Variants in ZNF827 observed in about 807,000 individuals in gnomAD.
The protein encoded by ZNF827 is zinc finger protein 827.
A neutral mutation model predicts 102.4 loss-of-function variants in ZNF827; 13 were observed. The observed-to-expected ratio is 0.13, with a 90% CI of 0.08 to 0.20. ZNF827 has a LOEUF of 0.20. ZNF827 is among the 10% of genes least tolerant of loss of function. The probability of loss-of-function intolerance (pLI) is 1.00; values close to 1 mark genes in which losing one functional copy is unlikely to be tolerated. For missense variants in ZNF827, 1,103 were observed against 1,344.4 expected (o/e 0.82, Z 2.81); for synonymous variants, 523 against 536.2 (o/e 0.98, Z 0.34).
intron 1 of ZNF827, among the ~76,000 whole-genome samples, chr4:145,921,853 C>T (rs1753090619): frequency 2.0e-5 from 3 of 152,158 alleles, no homozygotes; most frequent in Non-Finnish European, 4.4e-5. Context: ...CACTGGAGTT[C>T]TCCTCCAACA....
chr4:145,917,413 G>A (rs1752736502), intron 1 of ZNF827, among the ~76,000 whole-genome samples: 1 of 152,106 alleles, frequency 6.6e-6, no homozygotes, highest in African/African-American at 2.4e-5. Context: ...ATCACTTGGA[G>A]ACAGAGAGAG....
intron 4 of ZNF827, among the ~76,000 whole-genome samples, chr4:145,879,302 A>G (rs529150257): frequency 2.6e-5 from 4 of 152,340 alleles, no homozygotes; most frequent in South Asian, 4.1e-4. Context: ...ATGAGAAATT[A>G]CATGATGTGG....
At chr4:145,792,933 C>T (rs1474317380) in intron 8 of ZNF827, among the ~76,000 whole-genome samples, 1 of 152,024 alleles carries the variant, frequency 6.6e-6, no homozygotes, top group Non-Finnish European at 1.5e-5. Flanking sequence ...CGTGGAAATG[C>T]AATACATTCT....
intron 8 of ZNF827, among the ~76,000 whole-genome samples, chr4:145,791,992 G>A (rs1486355229): frequency 1.3e-5 from 2 of 152,156 alleles, no homozygotes; most frequent in Non-Finnish European, 2.9e-5. Flanking sequence ...GTGTCCATGG[G>A]ATGTGTCATT....
intron 7 of ZNF827, among the ~76,000 whole-genome samples, chr4:145,824,630 C>T (rs1050888705): frequency 2.0e-5 from 3 of 152,114 alleles, no homozygotes; most frequent in African/African-American, 7.2e-5. Flanking sequence ...CCAGGCTCTA[C>T]CTTAATCCCC....
chr4:145,894,822 C>T (rs1257298028), intron 2 of ZNF827, among the ~76,000 whole-genome samples: 1 of 152,106 alleles, frequency 6.6e-6, no homozygotes, highest in East Asian at 1.9e-4. Context: ...TTGCCTCTGC[C>T]GATCTGGAGT....
chr4:145,872,654 A>T (rs1748802721), intron 4 of ZNF827, among the ~76,000 whole-genome samples: 1 of 152,224 alleles, frequency 6.6e-6, no homozygotes. Context: ...AAGCAGGCAG[A>T]TCACTTGAGG....
Position 145,902,464 on chromosome 4 carries a change from CA to C in ZNF827, c.794del (p.Leu265Ter), listed in dbSNP as rs765254497. ...ALSKKVSERS[L>X]TPGQEHPPPA... ...GTGGAGGGTGCTCCTGACCAGGAGT[CA>C]AACTTCTTTCACTGACCTTCTTGGA... is the stretch of plus-strand genomic sequence containing the variant. On this transcript the variant is annotated frameshift_variant, in exon 2 of 15. Coordinates refer to ENST00000508784, the MANE Select transcript of ZNF827 (RefSeq NM_001306215.2). LOFTEE classifies it high-confidence loss of function. The surrounding 1 kb of genome is among the most constrained non-coding windows in gnomAD (Gnocchi z 4.3). 6.2e-7 allele frequency: 1 copy of C among 1,614,156 alleles called. No individual in the cohort carries two copies. Among genetic ancestry groups the C allele is most frequent in the Non-Finnish European group, 8.5e-7 (1 of 1,180,040 alleles).
chr4:145,777,011 C>T (rs115851715), intron 9 of ZNF827, among the ~76,000 whole-genome samples: 350 of 152,326 alleles, frequency 2.3e-3, no homozygotes, highest in Middle Eastern at 6.8e-3. Context: ...GAAAGAACAA[C>T]TCCAGTGTTC....
intron 8 of ZNF827, among the ~76,000 whole-genome samples, chr4:145,804,638 A>G (rs1741228207): frequency 6.6e-6 from 1 of 152,194 alleles, no homozygotes; most frequent in Admixed American, 6.5e-5. Flanking sequence ...ATTTAGTTGA[A>G]AACTCATCTT....
intron 5 of ZNF827, among the ~76,000 whole-genome samples, chr4:145,861,850 G>T (rs1747762819): frequency 6.6e-6 from 1 of 152,184 alleles, no homozygotes; most frequent in Non-Finnish European, 1.5e-5. Context: ...GGGAACACAA[G>T]CCAATACAAA....
At chr4:145,876,376 AT>A (rs1749153818) in intron 4 of ZNF827, 1 of 152,214 alleles carries the variant, frequency 6.6e-6, no homozygotes, top group Non-Finnish European at 1.5e-5. Context: ...TTCTCTAGAC[AT>A]TGCCAGCTAT....
chr4:145,932,095 T>C (rs781762440), intron 1 of ZNF827, among the ~76,000 whole-genome samples: 8 of 152,204 alleles, frequency 5.3e-5, no homozygotes, highest in Non-Finnish European at 1.0e-4. Flanking sequence ...GGTACCATCA[T>C]TGAAGCAGAG....
intron 11 of ZNF827, among the ~76,000 whole-genome samples, chr4:145,768,916 T>TATATATATATATATATAGATAAAA (rs34051922): frequency 2.9e-5 from 1 of 34,416 alleles, no homozygotes; most frequent in Non-Finnish European, 5.2e-5. Context: ...TATATATATA[T>TATATATATATATATATAGATAAAA]TAGGTATACA....
intron 8 of ZNF827, among the ~76,000 whole-genome samples, chr4:145,796,369 T>TG (rs1740379177): frequency 6.6e-6 from 1 of 152,160 alleles, no homozygotes; most frequent in Non-Finnish European, 1.5e-5. Context: ...GGTGAGAGTT[T>TG]GGGGTAGAGA....
At chr4:145,928,096 C>G (rs1341750486) in intron 1 of ZNF827, among the ~76,000 whole-genome samples, 1 of 152,130 alleles carries the variant, frequency 6.6e-6, no homozygotes, top group Admixed American at 6.5e-5. Context: ...CCCAGGTCCA[C>G]GAGCTAATTT....
intron 1 of ZNF827, among the ~76,000 whole-genome samples, chr4:145,917,154 A>G (rs1029954284): frequency 1.3e-5 from 2 of 152,206 alleles, no homozygotes; most frequent in East Asian, 3.8e-4. Flanking sequence ...TTCTTCTAGC[A>G]TCTATCCATT....
intron 1 of ZNF827, among the ~76,000 whole-genome samples, chr4:145,922,353 C>G (rs925119397): frequency 1.3e-5 from 2 of 152,154 alleles, no homozygotes; most frequent in Non-Finnish European, 2.9e-5. Context: ...CCTTATTACT[C>G]CATTGACATC....
At position 145,765,218 on chromosome 4, in the gene ZNF827, G is replaced by A. The variant is rs1579079144; in HGVS notation, c.3053-53C>T. On this transcript the variant is annotated intron_variant, in intron 12 of 14. Coordinates refer to ENST00000508784, the MANE Select transcript of ZNF827 (RefSeq NM_001306215.2). This position sits in a 1 kb window ranked among gnomAD's most constrained non-coding sequence, Gnocchi z 4.7. ...GTGCACAGGGCAGCGGGGAGAGGAG[G>A]GCAGGAGTGGAGCCAAGCTCCTCCC... 4.6e-6 allele frequency: 7 copies of A among 1,516,694 alleles called. No individual in the cohort carries two copies. In the East Asian group the frequency reaches 1.6e-4, roughly 35 times the overall value. The allele number at this position is 1,516,694 out of a possible 1,614,324, so 94.0% of individuals were successfully genotyped here. A position where few individuals can be genotyped will look rare whatever the true frequency, so the allele number is the denominator to read the frequency against.
Sources: allele counts gnomAD v4.1 joint callset (sites outside exome capture counted in the v4.1 genomes callset), GRCh38; gene constraint gnomAD v4.1.1; non-coding constraint Gnocchi (gnomAD v3.1); transcripts MANE v1.5; gene names NCBI Gene and HGNC (gene_info 2026-07-23, HGNC 2026-07-21).